Variants in MED22 observed in about 807,000 individuals in gnomAD.
MED22 encodes the protein mediator complex subunit 22, also known as mediator of RNA polymerase II transcription subunit 22.
MED22 carries 22 observed loss-of-function variants against 22.7 expected under a neutral mutation model. The observed-to-expected ratio is 0.97, with a 90% CI of 0.69 to 1.38. MED22 has a LOEUF of 1.38. Ranked by LOEUF, MED22 falls within the 40% of genes most tolerant of loss-of-function variation. MED22 has a pLI of 0.00. For missense variants in MED22, 247 were observed against 263.0 expected (o/e 0.94, Z 0.42); for synonymous variants, 134 against 119.4 (o/e 1.12, Z -0.80).
chr9:133,342,377 G>A (rs1045277710), intron 4 of MED22: 34 of 986,010 alleles, frequency 3.4e-5, no homozygotes, highest in African/African-American at 1.7e-4. Flanking sequence ...TGGCTTTCCC[G>A]CGGCCTGCCT....
Position 133,341,817 on chromosome 9 carries a change from C to T in MED22, c.414-123G>A, listed in dbSNP as rs2129951132. ...GACCACACCCCAGACCTGCCTTTCC[C>T]TTTCTCCACTCCTGCTCCATCTGTC... On this transcript the variant is annotated intron_variant, in intron 4 of 4. Transcript: ENST00000343730. 16 of 1,452,698 alleles carry T rather than the reference C, an allele frequency of 1.1e-5. No homozygotes were observed. In the African/African-American group the frequency reaches 2.1e-4, roughly 19 times the overall value. The allele number at this position is 1,452,698 out of a possible 1,614,324, so 90.0% of individuals were successfully genotyped here. A position where few individuals can be genotyped will look rare whatever the true frequency, so the allele number is the denominator to read the frequency against.
intron 2 of MED22, 140 bp downstream of exon 2, chr9:133,346,400 G>T: frequency 2.9e-6 from 3 of 1,047,604 alleles, no homozygotes; most frequent in Non-Finnish European, 4.2e-6. Flanking sequence ...TATTTGGTTT[G>T]CTTATCTACT....
At position 133,339,985 on chromosome 9, in the gene MED22, T is replaced by C. The variant is rs2129944058; in HGVS notation, c.*1520A>G. On this transcript the variant is annotated 3_prime_UTR_variant, in exon 5 of 5. Coordinates refer to ENST00000343730, the MANE Select transcript of MED22 (RefSeq NM_133640.5). ...AGCAGAAAATGAAGCTGATGGCAGGTCTTATCGCTCAGGATTTTAGGAACA... is the reference window on the plus strand; with the variant it reads ...AGCAGAAAATGAAGCTGATGGCAGGCCTTATCGCTCAGGATTTTAGGAACA... 1 of 152,640 alleles carries C rather than the reference T, an allele frequency of 6.6e-6. No homozygotes were observed. The highest frequency in any genetic ancestry group is 1.5e-5 in the Non-Finnish European group (1 of 68,418). The allele number at this position is 152,640 out of a possible 1,614,324, so 9.5% of individuals were successfully genotyped here.
In MED22 at chr9:133,341,323, C is replaced by A. The variant is rs999037344; in HGVS notation, c.*182G>T. 3 of 532,886 alleles carry A rather than the reference C, an allele frequency of 5.6e-6. No homozygotes were observed. Among genetic ancestry groups the A allele is most frequent in the Non-Finnish European group, 9.3e-6 (3 of 322,630 alleles). The allele number at this position is 532,886 out of a possible 1,614,324, so 33.0% of individuals were successfully genotyped here. On this transcript the variant is annotated 3_prime_UTR_variant, in exon 5 of 5. Transcript: ENST00000343730. ...TATTCGGAAATGGCTAGGGAAACAA[C>A]TGTTTCCCTACTGTCCTGGCGGGAC...
chr9:133,342,066 C>G (rs896405573), intron 4 of MED22: 4 of 1,096,158 alleles, frequency 3.6e-6, no homozygotes, highest in Non-Finnish European at 4.5e-6. Flanking sequence ...CTCCCTCCTC[C>G]CTGACTGCAG....
At chr9:133,346,494 C>T (rs2129968327) in intron 2 of MED22, 46 bp downstream of exon 2, 1 of 1,608,510 alleles carries the variant, frequency 6.2e-7, no homozygotes, top group Non-Finnish European at 8.5e-7. Flanking sequence ...CCTGTCTCCA[C>T]CCCTTCTCAG....
Position 133,338,903 on chromosome 9 carries a change from C to A in MED22, c.*2602G>T. The A allele has an allele frequency of 2.0e-6, 1 of 512,050 alleles. No individual in the cohort carries two copies. 31.7% of individuals were successfully genotyped at this position (512,050 alleles called of 1,614,324 possible). ...TGGTCCTGTTTTAGATTTTAAGACT[C>A]CAAAATAACAACCAAATGCAACACA... On this transcript the variant is annotated 3_prime_UTR_variant, in exon 5 of 5. Coordinates refer to ENST00000343730, the MANE Select transcript of MED22 (RefSeq NM_133640.5).
chr9:133,339,226 A>G lies in MED22; in HGVS notation c.*2279T>C, dbSNP rs1835955146. On this transcript the variant is annotated 3_prime_UTR_variant, in exon 5 of 5. Transcript: ENST00000343730. Reference sequence around the variant, plus strand: ...CTGTTGGCACTGTTGTAAACAAGTAAGGGCAAGATTCTTGCCAAGAGAATG... The same window carrying G: ...CTGTTGGCACTGTTGTAAACAAGTAGGGGCAAGATTCTTGCCAAGAGAATG... 1.4e-6 allele frequency: 1 copy of G among 694,218 alleles called. No homozygotes were observed. The highest frequency in any genetic ancestry group is 2.7e-6 in the Non-Finnish European group (1 of 372,744). 43.0% of individuals were successfully genotyped at this position (694,218 alleles called of 1,614,324 possible).
chr9:133,341,457 G>C lies in MED22; in HGVS notation c.*48C>G. On this transcript the variant is annotated 3_prime_UTR_variant, in exon 5 of 5. Transcript: ENST00000343730. ...AAGCAAGGCTGTGAGGGCATCCAAA[G>C]GGCTGCCTCAGGTTTTGTTCCTGAG... 1 of 1,448,288 alleles carries C rather than the reference G, an allele frequency of 6.9e-7. No homozygotes were observed. The highest frequency in any genetic ancestry group is 9.0e-7 in the Non-Finnish European group (1 of 1,106,384). The allele number at this position is 1,448,288 out of a possible 1,614,324, so 89.7% of individuals were successfully genotyped here.
intron 4 of MED22, chr9:133,343,630 G>T: frequency 8.0e-7 from 1 of 1,246,384 alleles, no homozygotes; most frequent in South Asian, 3.8e-5. Context: ...ACATTCCCAT[G>T]ACTGTCCCTG....
In MED22 at chr9:133,342,112, G is replaced by A. The variant is rs2129952100; in HGVS notation, c.414-418C>T. The A allele has an allele frequency of 1.8e-4, 188 of 1,035,118 alleles. No homozygotes were observed. The African/African-American group carries it at 3.0e-3, about 16-fold the overall frequency. 64.1% of individuals were successfully genotyped at this position (1,035,118 alleles called of 1,614,324 possible). A position where few individuals can be genotyped will look rare whatever the true frequency, so the allele number is the denominator to read the frequency against. On this transcript the variant is annotated intron_variant, in intron 4 of 4. Coordinates refer to ENST00000343730, the MANE Select transcript of MED22 (RefSeq NM_133640.5). Reference sequence around the variant, plus strand: ...GTCACTACACTGCAAAGAGCTCTCTGAGGGCAGACTGTGTTCTTTCTGGGT... The same window carrying A: ...GTCACTACACTGCAAAGAGCTCTCTAAGGGCAGACTGTGTTCTTTCTGGGT...
Position 133,339,174 on chromosome 9 carries a change from G to C in MED22, c.*2331C>G. The C allele has an allele frequency of 1.5e-6, 1 of 687,482 alleles. No individual in the cohort carries two copies. Among genetic ancestry groups the C allele is most frequent in the Non-Finnish European group, 2.7e-6 (1 of 369,128 alleles). 42.6% of individuals were successfully genotyped at this position (687,482 alleles called of 1,614,324 possible). A position where few individuals can be genotyped will look rare whatever the true frequency, so the allele number is the denominator to read the frequency against. On this transcript the variant is annotated 3_prime_UTR_variant, in exon 5 of 5. Coordinates refer to ENST00000343730, the MANE Select transcript of MED22 (RefSeq NM_133640.5). The stretch of plus-strand genomic sequence containing the variant: ...CACAAATGTCACCATGGCTAGACTG[G>C]GAGAGTCTACAGTGTTCCCCAGCAT...
intron 3 of MED22, 32 bp downstream of exon 3, chr9:133,345,140 C>G: frequency 6.2e-7 from 1 of 1,606,140 alleles, no homozygotes; most frequent in Non-Finnish European, 8.5e-7. Flanking sequence ...GCTCTTGGAG[C>G]CCAGGCCGTG....
chr9:133,345,314 G>T, intron 2 of MED22, 62 bp from the exon 3 acceptor site: 1 of 1,511,302 alleles, frequency 6.6e-7, no homozygotes, highest in Non-Finnish European at 9.1e-7. Context: ...CCCTGGCCCG[G>T]CCCAGCCCAG....
Position 133,346,714 on chromosome 9 carries a change from C to T in MED22, c.-38-14G>A. 1.9e-6 allele frequency: 3 copies of T among 1,595,406 alleles called. No homozygotes were observed. The highest frequency in any genetic ancestry group is 2.6e-6 in the Non-Finnish European group (3 of 1,174,022). On this transcript the variant is annotated splice_polypyrimidine_tract_variant and intron_variant, in intron 1 of 4. Coordinates refer to ENST00000343730, the MANE Select transcript of MED22 (RefSeq NM_133640.5). ...GAGACCTGGGACCTAGAGTGCAGCA[C>T]AGACCTCTGAGTGCAGGCAGAGTCT...
rs151170920 is a variant in MED22, at chr9:133,341,607, C to G, written c.501G>C (p.Ser167=). 1 of 1,594,154 alleles carries G rather than the reference C, an allele frequency of 6.3e-7. No individual in the cohort carries two copies. Among genetic ancestry groups the G allele is most frequent in the Non-Finnish European group, 8.5e-7 (1 of 1,172,212 alleles). The change falls in exon 5 of 5, where the codon TCG becomes TCC. Residue 167 remains serine (S), a synonymous_variant. Transcript: ENST00000343730. ...DLDTDSADGL[S]APLLASPEPS... ...GCTCCGGGGACGCCAGCAGAGGGGC[C>G]GAGAGGCCATCAGCAGAGTCTGTGT...
At chr9:133,346,281 A>G in intron 2 of MED22, 2 of 480,628 alleles carry the variant, frequency 4.2e-6, no homozygotes, top group Non-Finnish European at 7.6e-6. Context: ...TTTTACACAG[A>G]TAAACTCACC....
At chr9:133,343,501 G>A in intron 4 of MED22, 2 of 1,235,870 alleles carry the variant, frequency 1.6e-6, no homozygotes, top group Non-Finnish European at 2.0e-6. Context: ...TGCATCCCTG[G>A]GACCCAGCAC....
Position 133,340,760 on chromosome 9 carries a change from A to G in MED22, c.*745T>C, listed in dbSNP as rs1304965390. 6.6e-6 allele frequency: 1 copy of G among 152,292 alleles called. No individual in the cohort carries two copies. The allele number at this position is 152,292 out of a possible 1,614,324, so 9.4% of individuals were successfully genotyped here. On this transcript the variant is annotated 3_prime_UTR_variant, in exon 5 of 5. Coordinates refer to ENST00000343730, the MANE Select transcript of MED22 (RefSeq NM_133640.5). Reference sequence around the variant, plus strand: ...ATGGCAGCAGGTCCATTCACTGAATACTGGGGACCTACCAGGTGCCAATGA... The same window carrying G: ...ATGGCAGCAGGTCCATTCACTGAATGCTGGGGACCTACCAGGTGCCAATGA...
Sources: allele counts gnomAD v4.1 joint callset, GRCh38; gene constraint gnomAD v4.1.1; transcripts MANE v1.5; gene names NCBI Gene and HGNC (gene_info 2026-07-23, HGNC 2026-07-21).